Variants in PPFIBP2 observed in about 807,000 individuals in gnomAD.
PPFIBP2 encodes the protein PPFIB scaffold protein 2, also known as liprin-beta-2.
A neutral mutation model predicts 118.3 loss-of-function variants in PPFIBP2; 118 were observed. The observed-to-expected ratio is 1.00, with a 90% CI of 0.86 to 1.16. The LOEUF is 1.16. Among genes scored for constraint, PPFIBP2 ranks in the 50% most tolerant of loss-of-function variants. PPFIBP2 has a pLI of 0.00. For missense variants in PPFIBP2, 1,195 were observed against 1,073.1 expected (o/e 1.11, Z -1.59); for synonymous variants, 414 against 397.4 (o/e 1.04, Z -0.50).
At chr11:7,618,830 C>T (rs1848995413) in intron 6 of PPFIBP2, among the ~76,000 whole-genome samples, 1 of 151,734 alleles carries the variant, frequency 6.6e-6, no homozygotes, top group Admixed American at 6.6e-5. Flanking sequence ...GATCCACCCA[C>T]CTCGGCTTCC....
chr11:7,649,873 G>C (rs1032971756), intron 21 of PPFIBP2, among the ~76,000 whole-genome samples: 2 of 152,132 alleles, frequency 1.3e-5, no homozygotes, highest in African/African-American at 2.4e-5. Flanking sequence ...CCCTCCACTG[G>C]GGAGACACAT....
At chr11:7,630,519 C>A (rs939608803) in intron 10 of PPFIBP2, among the ~76,000 whole-genome samples, 3 of 152,158 alleles carry the variant, frequency 2.0e-5, no homozygotes, top group African/African-American at 7.2e-5. Context: ...AACATGTTGA[C>A]CAGGCTAGAC....
chr11:7,588,049 T>G (rs752173254), intron 3 of PPFIBP2, among the ~76,000 whole-genome samples: 3 of 152,154 alleles, frequency 2.0e-5, no homozygotes, highest in Admixed American at 6.5e-5. Flanking sequence ...ACCTGACATA[T>G]CCCCTGAAAA....
chr11:7,597,743 C>T, intron 5 of PPFIBP2, 70 bp downstream of exon 5: 1 of 1,230,328 alleles, frequency 8.1e-7, no homozygotes, highest in Non-Finnish European at 1.2e-6. Context: ...TTTGTGTGCC[C>T]AGGCTACAGC....
chr11:7,549,480 C>CT lies in PPFIBP2; in HGVS notation c.7dup (p.Ser3PhefsTer2), dbSNP rs753616077. 1 of 1,560,500 alleles carries CT rather than the reference C, an allele frequency of 6.4e-7. No homozygotes were observed. Among genetic ancestry groups the CT allele is most frequent in the Non-Finnish European group, 8.7e-7 (1 of 1,152,044 alleles). ...GCCAGGCAGGCAAAAGGAGTCATGG[C>CT]TTCTGATGCTAGTCATGCGCTGGAA... is the stretch of plus-strand genomic sequence containing the variant. On this transcript the variant is annotated frameshift_variant, in exon 2 of 24. Coordinates refer to ENST00000299492, the MANE Select transcript of PPFIBP2 (RefSeq NM_003621.5). LOFTEE classifies it high-confidence loss of function.
At chr11:7,557,863 T>C (rs1230972286) in intron 2 of PPFIBP2, among the ~76,000 whole-genome samples, 1 of 152,176 alleles carries the variant, frequency 6.6e-6, no homozygotes, top group Non-Finnish European at 1.5e-5. Context: ...TGGACCCCTC[T>C]TTTAAGTGGC....
intron 8 of PPFIBP2, among the ~76,000 whole-genome samples, chr11:7,627,296 T>C (rs1850149482): frequency 6.6e-6 from 1 of 152,230 alleles, no homozygotes; most frequent in Non-Finnish European, 1.5e-5. Context: ...GTTAGCTACC[T>C]AGAGCCTAAA....
chr11:7,632,855 T>C lies in PPFIBP2; in HGVS notation c.1069-12T>C, dbSNP rs766811761. 1.2e-6 allele frequency: 2 copies of C among 1,609,734 alleles called. No homozygotes were observed. Among genetic ancestry groups the C allele is most frequent in the Non-Finnish European group, 1.7e-6 (2 of 1,176,124 alleles). On this transcript the variant is annotated splice_polypyrimidine_tract_variant and intron_variant, in intron 11 of 23. Transcript: ENST00000299492. ...ACTGTCCTCTACCGTGACTCTTCTG[T>C]CTCTGGTGCAGATGCCTCCAAGATG... is the stretch of plus-strand genomic sequence containing the variant.
chr11:7,655,855 A>C (rs1330821428), downstream of PPFIBP2, among the ~76,000 whole-genome samples: 1 of 152,086 alleles, frequency 6.6e-6, no homozygotes, highest in Non-Finnish European at 1.5e-5. Context: ...CCCAGGCTGC[A>C]TCCTGTCCTA....
chr11:7,564,176 AAAG>A (rs1208463939), intron 2 of PPFIBP2, among the ~76,000 whole-genome samples: 3 of 152,150 alleles, frequency 2.0e-5, no homozygotes, highest in African/African-American at 4.8e-5. Context: ...AAAAAAAAAA[AAAG>A]AATAGTGGAA....
intron 1 of PPFIBP2, among the ~76,000 whole-genome samples, chr11:7,540,774 A>G (rs1358293297): frequency 6.6e-6 from 1 of 152,216 alleles, no homozygotes; most frequent in African/African-American, 2.4e-5. Flanking sequence ...GGATGAAAAA[A>G]GATGATCAGG....
intron 6 of PPFIBP2, among the ~76,000 whole-genome samples, chr11:7,612,179 G>T (rs988332187): frequency 6.6e-6 from 1 of 152,246 alleles, no homozygotes; most frequent in South Asian, 2.1e-4. Context: ...AGTCTCAGTT[G>T]TATCACCTGG....
chr11:7,531,723 C>A (rs1311348129), intron 1 of PPFIBP2, among the ~76,000 whole-genome samples: 1 of 152,134 alleles, frequency 6.6e-6, no homozygotes, highest in African/African-American at 2.4e-5. Context: ...GGGGGGCTTA[C>A]ACAACAGAAA....
At chr11:7,627,777 A>G (rs565146024) in intron 8 of PPFIBP2, among the ~76,000 whole-genome samples, 31 of 152,242 alleles carry the variant, frequency 2.0e-4, no homozygotes, top group Non-Finnish European at 3.8e-4. Context: ...TTGTTAGTCA[A>G]TTTTGACTAT....
At chr11:7,662,068 T>TA (rs1338042087), downstream of PPFIBP2, among the ~76,000 whole-genome samples, 1 of 147,290 alleles carries the variant, frequency 6.8e-6, no homozygotes, top group African/African-American at 2.5e-5. Flanking sequence ...GTTTCCTGAA[T>TA]ACAGCACACT....
intron 3 of PPFIBP2, chr11:7,569,063 T>C (rs1355769351): frequency 6.6e-6 from 1 of 152,226 alleles, no homozygotes; most frequent in Non-Finnish European, 1.5e-5. Flanking sequence ...AATGGGCTGC[T>C]GAGAAGCAGG....
intron 20 of PPFIBP2, 84 bp downstream of exon 20, chr11:7,649,319 T>A (rs1028132432): frequency 8.7e-5 from 118 of 1,349,454 alleles, no homozygotes; most frequent in Non-Finnish European, 1.2e-4. Flanking sequence ...TTAAACTTGA[T>A]TCCATATATT....
intron 1 of PPFIBP2, among the ~76,000 whole-genome samples, chr11:7,538,078 G>A (rs749647449): frequency 4.6e-5 from 7 of 152,120 alleles, no homozygotes; most frequent in Non-Finnish European, 1.0e-4. Flanking sequence ...AAGCAAATAC[G>A]GTGAAGGAAA....
chr11:7,657,354 A>T (rs6578891), downstream of PPFIBP2, among the ~76,000 whole-genome samples: 119,824 of 151,936 alleles, frequency 0.79, 47,438 homozygotes, highest in African/African-American at 0.85. Context: ...GAGGCTCCTT[A>T]CCCACAGCAC....
Sources: allele counts gnomAD v4.1 joint callset (sites outside exome capture counted in the v4.1 genomes callset), GRCh38; gene constraint gnomAD v4.1.1; transcripts MANE v1.5; gene names NCBI Gene and HGNC (gene_info 2026-07-23, HGNC 2026-07-21).